Variants in DISC1 observed in about 807,000 individuals in gnomAD.
DISC1 encodes DISC1 scaffold protein, also known as disrupted in schizophrenia 1 protein.
In DISC1, 57 loss-of-function variants were observed where a neutral mutation model predicts 84.5. The observed-to-expected ratio is 0.67, with a 90% CI of 0.55 to 0.84. DISC1 has a LOEUF of 0.84. Ranked by LOEUF, DISC1 falls within the 40% of genes least tolerant of loss-of-function variation. The probability of loss-of-function intolerance (pLI) is 0.00; values close to 1 mark genes in which losing one functional copy is unlikely to be tolerated. For synonymous variants in DISC1, 411 were observed against 415.2 expected, an observed-to-expected ratio of 0.99 and a Z score of 0.12; for missense variants, 1,000 against 1,057.8, an observed-to-expected ratio of 0.95 and a Z score of 0.76.
chr1:231,853,820 G>A (rs780313352), intron 9 of DISC1, among the ~76,000 whole-genome samples: 3 of 152,198 alleles, frequency 2.0e-5, no homozygotes, highest in South Asian at 2.1e-4. Context: ...GTCCTGGCTC[G>A]CTGCAGACTT....
intron 9 of DISC1, among the ~76,000 whole-genome samples, chr1:231,881,643 G>T (rs891903564): frequency 3.3e-5 from 5 of 152,090 alleles, no homozygotes; most frequent in African/African-American, 1.2e-4. Context: ...CACACTCCCA[G>T]CCAGGGTCCC....
chr1:232,023,837 C>T (rs1669188668), intron 11 of DISC1, among the ~76,000 whole-genome samples: 1 of 151,984 alleles, frequency 6.6e-6, no homozygotes, highest in Non-Finnish European at 1.5e-5. Context: ...GTATGTTTCT[C>T]CTTCCTGTAT....
At chr1:231,941,787 A>G (rs1334197183) in intron 9 of DISC1, among the ~76,000 whole-genome samples, 1 of 152,142 alleles carries the variant, frequency 6.6e-6, no homozygotes, top group Non-Finnish European at 1.5e-5. Flanking sequence ...TCGAATTCTA[A>G]TGGGAAAGAC....
chr1:232,001,184 T>C (rs1369157753), intron 10 of DISC1, among the ~76,000 whole-genome samples: 1 of 152,148 alleles, frequency 6.6e-6, no homozygotes, highest in Non-Finnish European at 1.5e-5. Context: ...GTTCAAGTGA[T>C]TCCCCTGTCT....
chr1:231,697,932 A>C (rs1364830966), intron 2 of DISC1, among the ~76,000 whole-genome samples: 1 of 151,904 alleles, frequency 6.6e-6, no homozygotes, highest in Non-Finnish European at 1.5e-5. Flanking sequence ...TTTATTGGTG[A>C]GTTAACCATT....
At chr1:232,015,657 T>A (rs1455612816) in intron 11 of DISC1, among the ~76,000 whole-genome samples, 2 of 152,196 alleles carry the variant, frequency 1.3e-5, no homozygotes, top group Non-Finnish European at 2.9e-5. Context: ...AAGCTGGTCG[T>A]GAGCTATTCC....
chr1:231,961,176 T>C (rs1191340058), intron 10 of DISC1, among the ~76,000 whole-genome samples: 1 of 152,114 alleles, frequency 6.6e-6, no homozygotes, highest in Non-Finnish European at 1.5e-5. Context: ...TGGACAACCA[T>C]GTAGCAATGT....
chr1:231,749,204 T>A (rs1177720344), intron 3 of DISC1, among the ~76,000 whole-genome samples: 1 of 152,208 alleles, frequency 6.6e-6, no homozygotes, highest in East Asian at 1.9e-4. Flanking sequence ...ATCTTACTGT[T>A]TATTCATTGC....
chr1:231,887,703 C>G (rs960856897), intron 9 of DISC1, among the ~76,000 whole-genome samples: 1 of 152,166 alleles, frequency 6.6e-6, no homozygotes, highest in Non-Finnish European at 1.5e-5. Flanking sequence ...AGTTATCACT[C>G]CAGAAATGAA....
intron 4 of DISC1, among the ~76,000 whole-genome samples, chr1:231,761,929 G>C (rs374751079): frequency 2.4e-5 from 1 of 40,924 alleles, no homozygotes; most frequent in African/African-American, 6.1e-5. Context: ...AGTCAGGAAC[G>C]AGTAACTGCA....
Position 232,031,439 on chromosome 1 carries a change from A to G in DISC1, c.2425+4887A>G, listed in dbSNP as rs1670039384. The stretch of plus-strand genomic sequence containing the variant: ...GAAGAGACAAGGGAAAGGAGAAGGG[A>G]AAAGGGAAAGGAGAAGGGAAGGGAG... On this transcript the variant is annotated intron_variant, in intron 12 of 12. Coordinates refer to ENST00000439617, the MANE Select transcript of DISC1 (RefSeq NM_018662.3). The surrounding 1 kb of genome is among the most constrained non-coding windows in gnomAD (Gnocchi z 4.6). Among the ~76,000 whole-genome samples the G allele has an allele frequency of 6.6e-6, 1 of 150,444 alleles. No homozygotes were observed. Among genetic ancestry groups the G allele is most frequent in the Non-Finnish European group, 1.5e-5 (1 of 67,524 alleles).
At chr1:231,635,790 T>G (rs937579683) in intron 1 of DISC1, among the ~76,000 whole-genome samples, 1 of 152,186 alleles carries the variant, frequency 6.6e-6, no homozygotes, top group African/African-American at 2.4e-5. Flanking sequence ...TGATAGCTCT[T>G]GAATATAAAA....
At chr1:231,888,728 G>C (rs2086969325) in intron 9 of DISC1, among the ~76,000 whole-genome samples, 1 of 124,436 alleles carries the variant, frequency 8.0e-6, no homozygotes. Context: ...ACAGAGTGAG[G>C]CTCTGTCTCC....
At chr1:231,754,340 A>G (rs548363264) in intron 4 of DISC1, among the ~76,000 whole-genome samples, 107 of 152,342 alleles carry the variant, frequency 7.0e-4, no homozygotes, top group African/African-American at 2.5e-3. Flanking sequence ...ATGATCTGGC[A>G]TCTGCTCTGG....
At chr1:231,819,471 C>T (rs917551564) in intron 9 of DISC1, among the ~76,000 whole-genome samples, 1 of 152,122 alleles carries the variant, frequency 6.6e-6, no homozygotes, top group Non-Finnish European at 1.5e-5. Flanking sequence ...GAGGTTTCTT[C>T]ATAGAGATAT....
chr1:231,893,271 C>A (rs2087401745), intron 9 of DISC1, among the ~76,000 whole-genome samples: 1 of 151,892 alleles, frequency 6.6e-6, no homozygotes, highest in African/African-American at 2.4e-5. Context: ...GAAAAAAAAA[C>A]TTGAACCCAG....
chr1:231,832,484 G>A (rs1357422101), intron 9 of DISC1, among the ~76,000 whole-genome samples: 1 of 152,116 alleles, frequency 6.6e-6, no homozygotes, highest in Non-Finnish European at 1.5e-5. Flanking sequence ...GGGAGAGCAT[G>A]TGTGTTTTTA....
chr1:231,756,240 G>A (rs200932263), intron 4 of DISC1, among the ~76,000 whole-genome samples: 1 of 152,124 alleles, frequency 6.6e-6, no homozygotes, highest in Admixed American at 6.5e-5. Context: ...GCAAAGCTCT[G>A]CTCATCAGTC....
At chr1:231,670,519 A>G (rs1572700703) in intron 1 of DISC1, 1 of 152,336 alleles carries the variant, frequency 6.6e-6, no homozygotes, top group South Asian at 2.1e-4. Flanking sequence ...GAGGTATTGT[A>G]TGGAAAAGGC....
Sources: allele counts gnomAD v4.1 joint callset (sites outside exome capture counted in the v4.1 genomes callset), GRCh38; gene constraint gnomAD v4.1.1; non-coding constraint Gnocchi (gnomAD v3.1); transcripts MANE v1.5; gene names NCBI Gene and HGNC (gene_info 2026-07-23, HGNC 2026-07-21).